The following WDPCP variants were observed in gnomAD, a reference collection of about 807,000 sequenced individuals.
WDPCP encodes WD repeat-containing and planar cell polarity effector protein fritz homolog.
A neutral mutation model predicts 93.1 loss-of-function variants in WDPCP; 71 were observed. The ratio of observed to expected loss-of-function variants is 0.76; its 90% confidence interval spans 0.63 to 0.93. The LOEUF is 0.93. Among genes scored for constraint, WDPCP ranks in the 40% least tolerant of loss-of-function variants. WDPCP has a pLI of 0.00. For missense variants in WDPCP, 844 were observed against 887.4 expected (o/e 0.95, Z 0.62); for synonymous variants, 315 against 315.0 (o/e 1.00, Z 0.00).
At chr2:63,439,125 G>A (rs1297875604) in intron 7 of WDPCP, among the ~76,000 whole-genome samples, 1 of 152,062 alleles carries the variant, frequency 6.6e-6, no homozygotes, top group Non-Finnish European at 1.5e-5. Context: ...TAAATAGGTA[G>A]GTTAGGAACC....
chr2:63,698,487 T>C (rs1036945968), intron 2 of WDPCP, among the ~76,000 whole-genome samples: 8 of 152,180 alleles, frequency 5.3e-5, no homozygotes, highest in African/African-American at 1.9e-4. Context: ...TGTTAGAATG[T>C]TGAAGCTGGC....
intron 2 of WDPCP, among the ~76,000 whole-genome samples, chr2:63,727,454 T>G (rs533455881): frequency 6.6e-6 from 1 of 152,164 alleles, no homozygotes; most frequent in Non-Finnish European, 1.5e-5. Context: ...TTGCTGGTAT[T>G]TTGTTGAGGA....
chr2:63,682,922 T>C (rs1575746549), intron 2 of WDPCP, among the ~76,000 whole-genome samples: 1 of 152,222 alleles, frequency 6.6e-6, no homozygotes, highest in Admixed American at 6.5e-5. Flanking sequence ...AAGATATAAA[T>C]AGAAACAACA....
At chr2:63,745,889 A>G (rs1669788646) in intron 2 of WDPCP, among the ~76,000 whole-genome samples, 1 of 152,170 alleles carries the variant, frequency 6.6e-6, no homozygotes, top group African/African-American at 2.4e-5. Context: ...CTGAGTTCCC[A>G]TTAAGGCAGA....
chr2:63,359,439 G>A (rs1346183878), intron 12 of WDPCP, among the ~76,000 whole-genome samples: 2 of 152,152 alleles, frequency 1.3e-5, no homozygotes, highest in Non-Finnish European at 2.9e-5. Flanking sequence ...TTAGCCATCA[G>A]GAAAATGCAA....
At position 63,354,550 on chromosome 2, in the gene WDPCP, A is replaced by G. The variant is rs560473543; in HGVS notation, c.1748+23836T>C. Among the ~76,000 whole-genome samples the G allele has an allele frequency of 1.7e-4, 26 of 152,266 alleles. No individual in the cohort carries two copies. The South Asian group carries it at 5.2e-3, about 30-fold the overall frequency. Reference sequence around the variant, plus strand: ...AGTCACAATCATTAAGCAAGAGTCTACCAACTGACCAATAAGTCTAAGTGC... The same window carrying G: ...AGTCACAATCATTAAGCAAGAGTCTGCCAACTGACCAATAAGTCTAAGTGC... On this transcript the variant is annotated intron_variant, in intron 12 of 17. Coordinates refer to ENST00000272321, the MANE Select transcript of WDPCP (RefSeq NM_015910.7).
intron 17 of WDPCP, among the ~76,000 whole-genome samples, chr2:63,129,878 A>T (rs751506993): frequency 1.3e-5 from 2 of 152,076 alleles, no homozygotes; most frequent in Non-Finnish European, 2.9e-5. Flanking sequence ...AATACAATGT[A>T]ATTATTATGT....
At chr2:63,676,717 G>A (rs1031374617) in intron 2 of WDPCP, among the ~76,000 whole-genome samples, 9 of 152,134 alleles carry the variant, frequency 5.9e-5, no homozygotes, top group East Asian at 1.9e-4. Flanking sequence ...AGGGAGTGAC[G>A]GTATAGTTGA....
chr2:63,182,238 C>T (rs1171237054), intron 14 of WDPCP, among the ~76,000 whole-genome samples: 1 of 151,948 alleles, frequency 6.6e-6, no homozygotes, highest in East Asian at 1.9e-4. Flanking sequence ...CTTCGGGAGA[C>T]TGCTTTCAAA....
intron 14 of WDPCP, 112 bp downstream of exon 14, chr2:63,259,195 C>G (rs1323236689): frequency 1.1e-6 from 1 of 916,362 alleles, no homozygotes; most frequent in East Asian, 2.6e-5. Flanking sequence ...AAGGCACTGT[C>G]TTTACAAACA....
At chr2:63,160,566 T>C (rs1446851079) in intron 15 of WDPCP, among the ~76,000 whole-genome samples, 1 of 151,956 alleles carries the variant, frequency 6.6e-6, no homozygotes, top group Non-Finnish European at 1.5e-5. Context: ...CTACTGGGGG[T>C]TGCTGGGTTA....
upstream of WDPCP, among the ~76,000 whole-genome samples, chr2:63,831,448 G>C (rs1423329589): frequency 6.6e-6 from 1 of 152,018 alleles, no homozygotes; most frequent in African/African-American, 2.4e-5. Context: ...GTCATTATAT[G>C]GCTGAACTTT....
intron 13 of WDPCP, among the ~76,000 whole-genome samples, chr2:63,275,046 T>C (rs572714713): frequency 1.6e-4 from 25 of 152,066 alleles, no homozygotes; most frequent in African/African-American, 4.8e-4. Flanking sequence ...ATGAACACAG[T>C]TGCAAAAATC....
intron 1 of WDPCP, among the ~76,000 whole-genome samples, chr2:63,552,869 A>C (rs1401754360): frequency 6.6e-6 from 1 of 152,248 alleles, no homozygotes; most frequent in Non-Finnish European, 1.5e-5. Context: ...AATCACACAT[A>C]ATAAAAACCA....
intron 3 of WDPCP, among the ~76,000 whole-genome samples, chr2:63,630,884 T>C (rs1709857924): frequency 6.6e-6 from 1 of 152,146 alleles, no homozygotes; most frequent in Non-Finnish European, 1.5e-5. Context: ...AGAACTGAAA[T>C]AATACAGAGT....
intron 13 of WDPCP, among the ~76,000 whole-genome samples, chr2:63,276,149 T>G (rs778709143): frequency 6.6e-6 from 1 of 152,054 alleles, no homozygotes; most frequent in Non-Finnish European, 1.5e-5. Context: ...GCAGTTCCAC[T>G]CTCAGGAAAC....
rs1469275937 is a variant in WDPCP, at chr2:63,404,434, T to C, written c.1049A>G (p.Asp350Gly). 6.2e-7 allele frequency: 1 copy of C among 1,614,066 alleles called. No homozygotes were observed. The highest frequency in any genetic ancestry group is 8.5e-7 in the Non-Finnish European group (1 of 1,180,032). Residue 350 changes from aspartate (D) to glycine (G), a missense_variant, in exon 10 of 18, where the codon GAC (aspartate) becomes GGC (glycine). Asp to Gly is a moderately conservative substitution (Grantham distance 94). Transcript: ENST00000272321. ...AISCCRNVTE[D>G]KLILGCEDSS... is the part of the protein sequence containing the mutation. ...ATCTTCACAGCCCAGAATCAGTTTG[T>C]CTTCAGTAACATTCCTGCAGCAGCT...
At chr2:63,623,004 CCG>C (rs1709766127) in intron 3 of WDPCP, among the ~76,000 whole-genome samples, 1 of 152,244 alleles carries the variant, frequency 6.6e-6, no homozygotes, top group Non-Finnish European at 1.5e-5. Flanking sequence ...AGTTGTCCGA[CCG>C]CGCGCCACTT....
At chr2:63,204,736 T>C (rs1676199455) in intron 14 of WDPCP, among the ~76,000 whole-genome samples, 1 of 152,168 alleles carries the variant, frequency 6.6e-6, no homozygotes, top group South Asian at 2.1e-4. Context: ...AAATTCCTTA[T>C]ATATTCTGGT....
Sources: allele counts gnomAD v4.1 joint callset (sites outside exome capture counted in the v4.1 genomes callset), GRCh38; gene constraint gnomAD v4.1.1; transcripts MANE v1.5; gene names NCBI Gene and HGNC (gene_info 2026-07-23, HGNC 2026-07-21).